ZNF577: variants seen among roughly 807,000 people sequenced by gnomAD.
The protein encoded by ZNF577 is zinc finger protein 577.
In ZNF577, 14 loss-of-function variants were observed where a neutral mutation model predicts 13.9. The observed-to-expected ratio is 1.00, with a 90% confidence interval of 0.66 to 1.57. The LOEUF (loss-of-function observed/expected upper bound fraction) is 1.57. Among genes scored for constraint, ZNF577 ranks in the 40% most tolerant of loss-of-function variants. The probability of loss-of-function intolerance (pLI) is 0.00; values close to 1 mark genes in which losing one functional copy is unlikely to be tolerated. For missense variants in ZNF577, 555 were observed against 579.2 expected (o/e 0.96, Z 0.43); for synonymous variants, 203 against 202.9 (o/e 1.00, Z 0.00).
chr19:51,865,119 G>A (rs1354978529), downstream of ZNF577, among the ~76,000 whole-genome samples: 5 of 151,970 alleles, frequency 3.3e-5, no homozygotes, highest in Admixed American at 6.5e-5. Flanking sequence ...TTCTTGAGAC[G>A]GAGTTTCGCT....
chr19:51,883,072 C>A (rs2084888254), intron 1 of ZNF577, among the ~76,000 whole-genome samples: 1 of 150,646 alleles, frequency 6.6e-6, no homozygotes, highest in Admixed American at 6.6e-5. Context: ...CAGCTCACTG[C>A]AACCTCCACC....
intron 1 of ZNF577, among the ~76,000 whole-genome samples, chr19:51,885,144 A>G (rs1057473142): frequency 6.6e-6 from 1 of 152,228 alleles, no homozygotes; most frequent in Non-Finnish European, 1.5e-5. Flanking sequence ...ATGTCATTCT[A>G]ACCTTTCAGG....
Position 51,872,604 on chromosome 19 carries a change from G to T in ZNF577, c.1386C>A (p.Leu462=). 6.2e-7 allele frequency: 1 copy of T among 1,613,764 alleles called. No homozygotes were observed. Among genetic ancestry groups the T allele is most frequent in the Non-Finnish European group, 8.5e-7 (1 of 1,179,898 alleles). ...ATGGGGCCACATTCACTTCATTTGTGAGGCTTATTCTCTGTTCAAATTCCT... is the reference window on the plus strand; with the variant it reads ...ATGGGGCCACATTCACTTCATTTGTTAGGCTTATTCTCTGTTCAAATTCCT... The part of the protein sequence containing the change: ...VNQEFEQRIS[L]TNEVNVAPSV... The change falls in exon 6 of 6, where the codon CTC becomes CTA. Residue 462 remains leucine (L), a synonymous_variant. Transcript: ENST00000638348.
chr19:51,852,040 TG>T (rs2084381283), intron 5 of ZNF577, among the ~76,000 whole-genome samples: 1 of 152,198 alleles, frequency 6.6e-6, no homozygotes, highest in Admixed American at 6.5e-5. Context: ...CCTGCTGCCA[TG>T]AAAGTATAAG....
In ZNF577 at chr19:51,829,454, C is replaced by T. The variant is rs1599844684; in HGVS notation, c.*599+10439G>A. Among the ~76,000 whole-genome samples, 4 of 152,122 alleles carry T rather than the reference C, an allele frequency of 2.6e-5. No homozygotes were observed. In the South Asian group the frequency reaches 6.2e-4, roughly 24 times the overall value. On this transcript the variant is annotated intron_variant and NMD_transcript_variant, in intron 9 of 10. Coordinates refer to the ZNF577 transcript ENST00000638827. Reference sequence around the variant, plus strand: ...TAACTTATCTAGATCAATTCCTTTACACTTCCTTGTTATCCATTCTGAGAA... The same window carrying T: ...TAACTTATCTAGATCAATTCCTTTATACTTCCTTGTTATCCATTCTGAGAA...
intron 1 of ZNF577, among the ~76,000 whole-genome samples, chr19:51,881,340 T>A (rs2084858658): frequency 6.6e-6 from 1 of 152,116 alleles, no homozygotes; most frequent in African/African-American, 2.4e-5. Flanking sequence ...AAAGAAGTGG[T>A]GGCTCAAGAA....
At chr19:51,818,404 C>G (rs560912373) in intron 9 of ZNF577, among the ~76,000 whole-genome samples, 1 of 152,098 alleles carries the variant, frequency 6.6e-6, no homozygotes, top group Admixed American at 6.5e-5. Context: ...CATTGTGTTT[C>G]CATTGGACAG....
chr19:51,852,936 T>TTC (rs1360378576), intron 5 of ZNF577, among the ~76,000 whole-genome samples: 1 of 147,920 alleles, frequency 6.8e-6, no homozygotes, highest in Non-Finnish European at 1.5e-5. Context: ...TTCTTTTCTT[T>TTC]TTTTTTTTCT....
chr19:51,821,921 T>C (rs1220878307), intron 9 of ZNF577, among the ~76,000 whole-genome samples: 2 of 152,212 alleles, frequency 1.3e-5, no homozygotes, highest in East Asian at 3.8e-4. Context: ...AGAGGCTGGA[T>C]ATCCCAAGGT....
intron 9 of ZNF577, among the ~76,000 whole-genome samples, chr19:51,813,767 C>CTCG (rs1342371338): frequency 1.3e-5 from 2 of 152,154 alleles, no homozygotes; most frequent in African/African-American, 4.8e-5. Flanking sequence ...ATCTCCTGAC[C>CTCG]TCGTGATCCA....
chr19:51,812,716 C>A (rs1018165070), intron 9 of ZNF577, among the ~76,000 whole-genome samples: 1 of 152,174 alleles, frequency 6.6e-6, no homozygotes, highest in African/African-American at 2.4e-5. Context: ...ACATTGAGGA[C>A]AACCTCCTCT....
chr19:51,818,288 C>A (rs756386152), intron 9 of ZNF577, among the ~76,000 whole-genome samples: 1 of 152,064 alleles, frequency 6.6e-6, no homozygotes, highest in Non-Finnish European at 1.5e-5. Flanking sequence ...ATATAGGATT[C>A]AAGAAAATAT....
chr19:51,834,077 A>C (rs1046832536), intron 9 of ZNF577, among the ~76,000 whole-genome samples: 13 of 151,350 alleles, frequency 8.6e-5, no homozygotes, highest in African/African-American at 3.2e-4. Flanking sequence ...TTTTCTAGCC[A>C]CTTATGTAGC....
intron 9 of ZNF577, among the ~76,000 whole-genome samples, chr19:51,838,233 G>A (rs1325046216): frequency 2.6e-5 from 4 of 152,026 alleles, no homozygotes; most frequent in Non-Finnish European, 4.4e-5. Flanking sequence ...CCACATATAA[G>A]TGCATATTTC....
At chr19:51,836,428 T>C (rs1003302967) in intron 9 of ZNF577, among the ~76,000 whole-genome samples, 9 of 152,232 alleles carry the variant, frequency 5.9e-5, no homozygotes, top group Admixed American at 2.0e-4. Context: ...TAATATCTCA[T>C]TGTGGTTTTG....
intron 5 of ZNF577, among the ~76,000 whole-genome samples, chr19:51,856,532 T>C (rs1174981027): frequency 6.6e-6 from 1 of 152,236 alleles, no homozygotes; most frequent in Non-Finnish European, 1.5e-5. Flanking sequence ...GTAAAGCCTC[T>C]ACATCGCTAA....
intron 5 of ZNF577, among the ~76,000 whole-genome samples, chr19:51,859,370 G>C (rs888621302): frequency 6.6e-6 from 1 of 152,072 alleles, no homozygotes; most frequent in Admixed American, 6.5e-5. Flanking sequence ...CTTAGGAATG[G>C]AATTCCTGGG....
At chr19:51,875,933 G>A (rs6509587) in intron 5 of ZNF577, among the ~76,000 whole-genome samples, 18,357 of 152,200 alleles carry the variant, frequency 0.12, 2,207 homozygotes, top group African/African-American at 0.29. Flanking sequence ...ACATTCAGAC[G>A]TAGAACAGAG....
chr19:51,826,457 C>T (rs545877503), intron 9 of ZNF577, among the ~76,000 whole-genome samples: 5 of 152,274 alleles, frequency 3.3e-5, no homozygotes, highest in Non-Finnish European at 4.4e-5. Context: ...AATATAGGTT[C>T]GATTTCTTTA....
Sources: allele counts gnomAD v4.1 joint callset (sites outside exome capture counted in the v4.1 genomes callset), GRCh38; gene constraint gnomAD v4.1.1; transcripts MANE v1.5; gene names NCBI Gene and HGNC (gene_info 2026-07-23, HGNC 2026-07-21).